RTL9: variants seen among roughly 807,000 people sequenced by gnomAD.
RTL9 encodes retrotransposon Gag-like protein 9.
Under a neutral mutation model 44.7 loss-of-function variants are expected in RTL9, and 19 were observed. The observed-to-expected ratio is 0.42, with a 90% CI of 0.30 to 0.62. The LOEUF is 0.62. Ranked by LOEUF, RTL9 falls within the 20% of genes least tolerant of loss-of-function variation. RTL9 has a pLI of 0.16. For missense variants in RTL9, 1,105 were observed against 1,080.6 expected, an observed-to-expected ratio of 1.02 and a Z score of -0.32; for synonymous variants, 407 against 398.9, an observed-to-expected ratio of 1.02 and a Z score of -0.24.
At chrX:110,389,049 A>G (rs1458501259) in intron 1 of RTL9, among the ~76,000 whole-genome samples, 1 of 112,204 alleles carries the variant, frequency 8.9e-6, no homozygotes, top group East Asian at 2.8e-4. Context: ...GTGGAACCCT[A>G]GAAGATATTA....
intron 1 of RTL9, among the ~76,000 whole-genome samples, chrX:110,383,235 G>A (rs2068432825): frequency 9.0e-6 from 1 of 110,968 alleles, no homozygotes; most frequent in South Asian, 3.8e-4. Flanking sequence ...TTCTTCCCAG[G>A]AGGCTTGCCC....
intron 1 of RTL9, among the ~76,000 whole-genome samples, chrX:110,371,631 G>C (rs1362691604): frequency 2.7e-5 from 3 of 111,269 alleles, no homozygotes; most frequent in Non-Finnish European, 3.8e-5. Flanking sequence ...ACTAACAGGG[G>C]ACTGGAGATC....
chrX:110,450,567 A>AT (rs1175322960), exon 1 of RTL9: 21 of 1,081,814 alleles, frequency 1.9e-5, no homozygotes, highest in Non-Finnish European at 2.4e-5. Context: ...TTGTTTACAG[A>AT]TTTTCTTGCC....
At chrX:110,418,274 G>A (rs573555868), upstream of RTL9, among the ~76,000 whole-genome samples, 37 of 112,211 alleles carry the variant, frequency 3.3e-4, 1 homozygote, top group African/African-American at 1.1e-3. Context: ...TTAAGAGCAG[G>A]TACTCTGCCC....
intron 1 of RTL9, among the ~76,000 whole-genome samples, chrX:110,372,629 C>T (rs1467400200): frequency 1.8e-5 from 2 of 111,753 alleles, no homozygotes; most frequent in Admixed American, 1.9e-4. Flanking sequence ...TTTAACAAGC[C>T]TCTATTATTA....
chrX:110,453,341 A>G, exon 1 of RTL9: 1 of 1,211,945 alleles, frequency 8.3e-7, no homozygotes. Context: ...CAGCCTCTGG[A>G]ACTATGTCCA....
chrX:110,404,881 A>T (rs1400296258), intron 1 of RTL9, among the ~76,000 whole-genome samples: 2 of 111,826 alleles, frequency 1.8e-5, no homozygotes, highest in East Asian at 5.6e-4. Context: ...GTGTTATATT[A>T]ATAACCAGGA....
chrX:110,415,416 T>C (rs146430271), upstream of RTL9, among the ~76,000 whole-genome samples: 255 of 112,024 alleles, frequency 2.3e-3, 3 homozygotes, highest in African/African-American at 7.9e-3. Flanking sequence ...TGGTGAGTGA[T>C]GGATGCTTTT....
At chrX:110,417,599 T>G (rs928148110), upstream of RTL9, among the ~76,000 whole-genome samples, 4 of 112,040 alleles carry the variant, frequency 3.6e-5, no homozygotes, top group Admixed American at 3.8e-4. Flanking sequence ...CACTTCATTT[T>G]ATACACATGA....
At chrX:110,426,012 A>T (rs1230883195) in intron 1 of RTL9, among the ~76,000 whole-genome samples, 1 of 112,283 alleles carries the variant, frequency 8.9e-6, no homozygotes, top group Non-Finnish European at 1.9e-5. Context: ...GCACACACAC[A>T]CACACACACA....
intron 1 of RTL9, among the ~76,000 whole-genome samples, chrX:110,373,033 T>C (rs1212771422): frequency 2.7e-5 from 3 of 112,171 alleles, no homozygotes; most frequent in Non-Finnish European, 5.6e-5. Flanking sequence ...TGCCAAGCAT[T>C]GTTCTACATG....
upstream of RTL9, among the ~76,000 whole-genome samples, chrX:110,449,241 A>G (rs1407421545): frequency 8.9e-6 from 1 of 112,038 alleles, no homozygotes; most frequent in Non-Finnish European, 1.9e-5. Context: ...TGTAAGATAA[A>G]GGAAGAGTAC....
chrX:110,420,123 G>A (rs374261030), intron 1 of RTL9, among the ~76,000 whole-genome samples: 12 of 111,424 alleles, frequency 1.1e-4, no homozygotes, highest in African/African-American at 3.9e-4. Context: ...CCCACCTCAT[G>A]TTACCCTACA....
At chrX:110,454,018 C>A (rs1229798205) in exon 1 of RTL9, 1 of 1,210,491 alleles carries the variant, frequency 8.3e-7, no homozygotes, top group Non-Finnish European at 1.1e-6. Context: ...GCGAAACCAC[C>A]ACCAAAGGAA....
chrX:110,446,170 AACAG>A (rs1347174054), upstream of RTL9, among the ~76,000 whole-genome samples: 5 of 111,624 alleles, frequency 4.5e-5, no homozygotes, highest in African/African-American at 1.3e-4. Context: ...CCCAACTGTG[AACAG>A]ACAGAGGAAT....
At chrX:110,430,225 C>G (rs184056477) in intron 1 of RTL9, among the ~76,000 whole-genome samples, 69 of 112,810 alleles carry the variant, frequency 6.1e-4, no homozygotes, top group African/African-American at 2.1e-3. Context: ...GAATGTGGTA[C>G]TTTACCGCTT....
intron 1 of RTL9, among the ~76,000 whole-genome samples, chrX:110,429,473 TG>T (rs1311443034): frequency 0.016 from 1,270 of 81,300 alleles, 36 homozygotes; most frequent in African/African-American, 0.1. Flanking sequence ...TTTTTTTTTT[TG>T]TTTTGTTTTT....
At chrX:110,381,469 C>G (rs60281668) in intron 1 of RTL9, among the ~76,000 whole-genome samples, 4,335 of 111,553 alleles carry the variant, frequency 0.039, 206 homozygotes, top group African/African-American at 0.13. Flanking sequence ...GTATACATTG[C>G]TGGTGGCAAT....
At position 110,428,382 on chromosome X, in the gene RTL9, C is replaced by A. The variant is rs145737821; in HGVS notation, c.-168+9247C>A. 7.3e-3 allele frequency among the ~76,000 whole-genome samples: 819 copies of A among 112,032 alleles called. 3 individuals are homozygous for A. The highest frequency in any genetic ancestry group is 0.012 in the Non-Finnish European group (623 of 53,162). Reference sequence around the variant, plus strand: ...AAGTAACTTGAGGTTAGGGACAGAGCCTTGTACATTCCTGTATCCCAGCTC... The same window carrying A: ...AAGTAACTTGAGGTTAGGGACAGAGACTTGTACATTCCTGTATCCCAGCTC... On this transcript the variant is annotated intron_variant, in intron 1 of 3. Coordinates refer to the RTL9 transcript ENST00000465301.
Sources: allele counts gnomAD v4.1 joint callset (sites outside exome capture counted in the v4.1 genomes callset), GRCh38; gene constraint gnomAD v4.1.1; transcripts MANE v1.5; gene names NCBI Gene and HGNC (gene_info 2026-07-23, HGNC 2026-07-21).